UGT2B17: variants seen among roughly 807,000 people sequenced by gnomAD.
The protein encoded by UGT2B17 is UDP glucuronosyltransferase family 2 member B17.
A neutral mutation model predicts 48.2 loss-of-function variants in UGT2B17; 21 were observed. That is an observed-to-expected ratio of 0.44 (90% CI 0.31 to 0.63). UGT2B17 has a LOEUF of 0.63. Ranked by LOEUF, UGT2B17 falls within the 20% of genes least tolerant of loss-of-function variation. The probability of loss-of-function intolerance (pLI) is 0.08; values close to 1 mark genes in which losing one functional copy is unlikely to be tolerated. For synonymous variants in UGT2B17, 146 were observed against 238.4 expected, an observed-to-expected ratio of 0.61 and a Z score of 3.57; for missense variants, 402 against 696.1, an observed-to-expected ratio of 0.58 and a Z score of 4.75.
Position 68,552,370 on chromosome 4 carries a change from C to T in UGT2B17, c.1006-459G>A, listed in dbSNP as rs1375713572. 1.6e-5 allele frequency among the ~76,000 whole-genome samples: 2 copies of T among 125,938 alleles called. 1 individual carries two copies. The highest frequency in any genetic ancestry group is 3.4e-5 in the Non-Finnish European group (2 of 59,458). 82.6% of individuals were successfully genotyped at this position (125,938 alleles called of 152,430 possible). A position where few individuals can be genotyped will look rare whatever the true frequency, so the allele number is the denominator to read the frequency against. On this transcript the variant is annotated intron_variant, in intron 4 of 6. Transcript: ENST00000317746. Reference sequence around the variant, plus strand: ...CTCCTATCTACCTATGACCTGGAAGCCCCTTCCATGCTTCAAGTTGCTCTG... The same window carrying T: ...CTCCTATCTACCTATGACCTGGAAGTCCCTTCCATGCTTCAAGTTGCTCTG...
In UGT2B17 at chr4:68,541,997, G is replaced by T. The variant is rs1382937181; in HGVS notation, c.1314-4093C>A. On this transcript the variant is annotated intron_variant, in intron 6 of 6. Coordinates refer to ENST00000317746, the MANE Select transcript of UGT2B17 (RefSeq NM_001077.4). Reference sequence around the variant, plus strand: ...CTGAGGCCTCTGTTCTGTTCCATTGGTCTATATGTCTGCTTTTGTTCCAGT... The same window carrying T: ...CTGAGGCCTCTGTTCTGTTCCATTGTTCTATATGTCTGCTTTTGTTCCAGT... Among the ~76,000 whole-genome samples the T allele has an allele frequency of 3.2e-5, 4 of 125,522 alleles. 2 individuals are homozygous for T. Among genetic ancestry groups the T allele is most frequent in the African/African-American group, 5.5e-5 (2 of 36,600 alleles). 82.3% of individuals were successfully genotyped at this position (125,522 alleles called of 152,430 possible).
chr4:68,570,248 G>A (rs1373468229), intron 1 of UGT2B17, among the ~76,000 whole-genome samples: 3 of 127,464 alleles, frequency 2.4e-5, no homozygotes, highest in Non-Finnish European at 5.0e-5. Context: ...AAATGGTCGT[G>A]ATTGATTTAA....
chr4:68,565,406 A>T (rs1437134743), intron 3 of UGT2B17, among the ~76,000 whole-genome samples, 166 bp downstream of exon 3: 1 of 126,204 alleles, frequency 7.9e-6, no homozygotes, highest in Non-Finnish European at 1.7e-5. Flanking sequence ...TGATAATAAC[A>T]TTCACATACT....
intron 4 of UGT2B17, among the ~76,000 whole-genome samples, chr4:68,556,802 A>T (rs1343576293): frequency 8.0e-6 from 1 of 125,782 alleles, no homozygotes; most frequent in Non-Finnish European, 1.7e-5. Context: ...TCCTCTCTCA[A>T]AGAATGAAGA....
chr4:68,553,552 A>G (rs7434408), intron 4 of UGT2B17, among the ~76,000 whole-genome samples: 57,541 of 123,678 alleles, frequency 0.47, 22,581 homozygotes, highest in Middle Eastern at 0.72. Context: ...CTGTTTTCCT[A>G]TGTTGAATGA....
intron 6 of UGT2B17, 125 bp from the exon 7 acceptor site, chr4:68,538,029 T>A: frequency 1.4e-6 from 1 of 708,844 alleles, no homozygotes; most frequent in Non-Finnish European, 1.9e-6. Flanking sequence ...TGAATTGACA[T>A]AAAATATTAA....
intron 4 of UGT2B17, among the ~76,000 whole-genome samples, chr4:68,558,186 A>T (rs1731036834): frequency 8.1e-6 from 1 of 123,266 alleles, no homozygotes; most frequent in African/African-American, 2.7e-5. Flanking sequence ...CTTTAGTAAA[A>T]TTGGGAAACT....
At chr4:68,567,073 A>C (rs1731213760) in intron 2 of UGT2B17, among the ~76,000 whole-genome samples, 1 of 126,052 alleles carries the variant, frequency 7.9e-6, no homozygotes, top group Admixed American at 8.2e-5. Flanking sequence ...ATTTATTGAC[A>C]TAGAGATATG....
Position 68,543,167 on chromosome 4 carries a change from G to A in UGT2B17, c.1314-5263C>T, listed in dbSNP as rs1730713751. On this transcript the variant is annotated intron_variant, in intron 6 of 6. Coordinates refer to ENST00000317746, the MANE Select transcript of UGT2B17 (RefSeq NM_001077.4). ...TCAAGTGGGTCCTGATCCCCGAGTA[G>A]CCTGACTGGGAGGCACCCCCCAGTA... 1.6e-5 allele frequency among the ~76,000 whole-genome samples: 2 copies of A among 126,106 alleles called. 1 individual carries two copies. The highest frequency in any genetic ancestry group is 3.4e-5 in the Non-Finnish European group (2 of 59,480). The allele number at this position is 126,106 out of a possible 152,430, so 82.7% of individuals were successfully genotyped here.
intron 4 of UGT2B17, among the ~76,000 whole-genome samples, chr4:68,557,806 A>C (rs1209515646): frequency 8.0e-6 from 1 of 125,506 alleles, no homozygotes; most frequent in African/African-American, 2.7e-5. Flanking sequence ...CCTTTAGGGA[A>C]TCAAACTTAA....
Position 68,564,590 on chromosome 4 carries a change from A to G in UGT2B17, c.873+982T>C, listed in dbSNP as rs1329305288. Among the ~76,000 whole-genome samples the G allele has an allele frequency of 1.6e-5, 2 of 124,918 alleles. 1 individual carries two copies. Among genetic ancestry groups the G allele is most frequent in the Non-Finnish European group, 3.4e-5 (2 of 59,128 alleles). 82.0% of individuals were successfully genotyped at this position (124,918 alleles called of 152,430 possible). ...AGGTGTAAGCCACCACGCCCGGCCC[A>G]TCATTGACTTTTACTCAACCTTTTC... On this transcript the variant is annotated intron_variant, in intron 3 of 6. Coordinates refer to ENST00000317746, the MANE Select transcript of UGT2B17 (RefSeq NM_001077.4).
rs1368195544 is a variant in UGT2B17, at chr4:68,557,233, G to T, written c.1005+3304C>A. Among the ~76,000 whole-genome samples the T allele has an allele frequency of 6.4e-5, 8 of 124,792 alleles. 2 individuals are homozygous for T. Among genetic ancestry groups the T allele is most frequent in the Non-Finnish European group, 8.5e-5 (5 of 59,004 alleles). The allele number at this position is 124,792 out of a possible 152,430, so 81.9% of individuals were successfully genotyped here. On this transcript the variant is annotated intron_variant, in intron 4 of 6. Transcript: ENST00000317746. ...CTTGTCCATTGTGTCTTTGACTGAG[G>T]CTGCCCTAAAACTTTTTGTCATCCA...
At chr4:68,549,766 C>A (rs1329291195) in intron 6 of UGT2B17, among the ~76,000 whole-genome samples, 1 of 125,686 alleles carries the variant, frequency 8.0e-6, no homozygotes, top group Non-Finnish European at 1.7e-5. Context: ...AACAATTTCC[C>A]ATATGCCTCA....
rs578109729 is a variant in UGT2B17, at chr4:68,569,122, A to G, written c.-64-574T>C. 1.8e-3 allele frequency among the ~76,000 whole-genome samples: 229 copies of G among 125,374 alleles called. 1 individual carries two copies. The highest frequency in any genetic ancestry group is 5.8e-3 in the African/African-American group (212 of 36,278). The allele number at this position is 125,374 out of a possible 152,430, so 82.3% of individuals were successfully genotyped here. On this transcript the variant is annotated intron_variant, in intron 1 of 6. Transcript: ENST00000317746. ...GTGATCATGGCAGATGGGATGCAGG[A>G]CTAGATTGCAGCTCCAGACAGAGCA...
rs1345567704 is a variant in UGT2B17, at chr4:68,566,130, A to C, written c.725-410T>G. ...ATATTTAATATTTAATTTAATATTT[A>C]ATATTTAATAGTTTTAATTTAATAT... On this transcript the variant is annotated intron_variant, in intron 2 of 6. Coordinates refer to ENST00000317746, the MANE Select transcript of UGT2B17 (RefSeq NM_001077.4). Among the ~76,000 whole-genome samples, 5 of 118,876 alleles carry C rather than the reference A, an allele frequency of 4.2e-5. 1 individual carries two copies. Among genetic ancestry groups the C allele is most frequent in the Non-Finnish European group, 8.6e-5 (5 of 58,108 alleles). The allele number at this position is 118,876 out of a possible 152,430, so 78.0% of individuals were successfully genotyped here.
At chr4:68,561,704 C>G (rs1354199984) in intron 3 of UGT2B17, among the ~76,000 whole-genome samples, 1 of 119,810 alleles carries the variant, frequency 8.3e-6, no homozygotes, top group Non-Finnish European at 1.7e-5. Flanking sequence ...GAGAATTATT[C>G]TGACTTGTGT....
Position 68,554,603 on chromosome 4 carries a change from T to A in UGT2B17, c.1006-2692A>T, listed in dbSNP as rs543123332. 2.1e-4 allele frequency among the ~76,000 whole-genome samples: 27 copies of A among 125,632 alleles called. 5 individuals carry two copies. The highest frequency in any genetic ancestry group is 2.0e-3 in the Admixed American group (25 of 12,200). The allele number at this position is 125,632 out of a possible 152,430, so 82.4% of individuals were successfully genotyped here. A position where few individuals can be genotyped will look rare whatever the true frequency, so the allele number is the denominator to read the frequency against. On this transcript the variant is annotated intron_variant, in intron 4 of 6. Transcript: ENST00000317746. ...ACATAATCTTTTGTGTGTGTGTAAGTGTTTGCATATATTTAAAAGGCCATT... is the reference window on the plus strand; with the variant it reads ...ACATAATCTTTTGTGTGTGTGTAAGAGTTTGCATATATTTAAAAGGCCATT...
In UGT2B17 at chr4:68,565,776, T is replaced by G. The variant is rs1259332087; in HGVS notation, c.725-56A>C. On this transcript the variant is annotated intron_variant, in intron 2 of 6. Transcript: ENST00000317746. ...GTAGCTAACACGAGAATTGTTATTT[T>G]AATATTGAATATGCAGGTATTTTCC... The G allele has an allele frequency of 9.4e-5, 122 of 1,295,480 alleles. 29 individuals carry two copies. The highest frequency in any genetic ancestry group is 7.7e-4 in the African/African-American group (50 of 65,084). The allele number at this position is 1,295,480 out of a possible 1,614,324, so 80.2% of individuals were successfully genotyped here.
intron 3 of UGT2B17, among the ~76,000 whole-genome samples, chr4:68,564,690 CT>C (rs1437640880): frequency 4.0e-5 from 5 of 124,396 alleles, no homozygotes; most frequent in African/African-American, 1.4e-4. Flanking sequence ...CAAGACTTTA[CT>C]TTTTTGTTTG....
Sources: allele counts gnomAD v4.1 joint callset (sites outside exome capture counted in the v4.1 genomes callset), GRCh38; gene constraint gnomAD v4.1.1; transcripts MANE v1.5; gene names NCBI Gene and HGNC (gene_info 2026-07-23, HGNC 2026-07-21).